The following HMCN1 variants were observed in gnomAD, a reference collection of about 807,000 sequenced individuals.
HMCN1 encodes the protein hemicentin 1, also known as hemicentin-1.
Under a neutral mutation model 625.9 loss-of-function variants are expected in HMCN1, and 321 were observed. The observed-to-expected ratio is 0.51, with a 90% CI of 0.47 to 0.56. The LOEUF (loss-of-function observed/expected upper bound fraction) is 0.56. HMCN1 is among the 20% of genes least tolerant of loss of function. HMCN1 has a pLI of 0.00. For synonymous variants in HMCN1, 2,425 were observed against 2,417.6 expected (o/e 1.00, Z -0.09); for missense variants, 6,588 against 6,887.3 (o/e 0.96, Z 1.54).
chr1:185,837,303 T>A (rs1558006020), intron 1 of HMCN1, among the ~76,000 whole-genome samples: 2 of 152,110 alleles, frequency 1.3e-5, no homozygotes, highest in East Asian at 1.9e-4. Context: ...TCAAAAAAGT[T>A]TTCTTTCTTA....
chr1:186,051,272 A>G (rs936769188), intron 42 of HMCN1, among the ~76,000 whole-genome samples: 21 of 152,056 alleles, frequency 1.4e-4, no homozygotes, highest in African/African-American at 5.1e-4. Context: ...CATATTTAAT[A>G]AGTTGAATCA....
At chr1:186,043,607 A>G (rs1167499218) in intron 40 of HMCN1, among the ~76,000 whole-genome samples, 1 of 152,154 alleles carries the variant, frequency 6.6e-6, no homozygotes, top group African/African-American at 2.4e-5. Flanking sequence ...TCTTTTGTAG[A>G]TTCTACAAAT....
chr1:185,785,513 G>T (rs767728454), intron 1 of HMCN1, among the ~76,000 whole-genome samples: 1 of 152,148 alleles, frequency 6.6e-6, no homozygotes, highest in Non-Finnish European at 1.5e-5. Context: ...GTTTCAAACT[G>T]CTAATTTTCC....
intron 64 of HMCN1, 119 bp downstream of exon 64, chr1:186,091,036 A>T (rs555043500): frequency 4.8e-5 from 57 of 1,190,044 alleles, no homozygotes; most frequent in Non-Finnish European, 6.7e-5. Flanking sequence ...AGCTATCATT[A>T]TATTCACAAA....
chr1:186,021,238 A>G (rs1654699876), intron 35 of HMCN1, among the ~76,000 whole-genome samples: 1 of 152,108 alleles, frequency 6.6e-6, no homozygotes. Context: ...GAAGACTCCT[A>G]GGATTCCAAC....
At chr1:186,150,876 C>T (rs1042420721) in intron 93 of HMCN1, among the ~76,000 whole-genome samples, 6 of 151,606 alleles carry the variant, frequency 4.0e-5, no homozygotes, top group Non-Finnish European at 8.8e-5. Flanking sequence ...AATAAACTCT[C>T]ATTGTCATCA....
In HMCN1 at chr1:186,145,765, G is replaced by A; in HGVS notation, c.14450G>A (p.Trp4817Ter). ...NTDMCPVDGS[W>*]GSWHSWSQCS... ...TTCTTGTTCACAGTGGATGGAAGTTGGGGAAGCTGGCATAGTTGGAGCCAG... is the reference window on the plus strand; with the variant it reads ...TTCTTGTTCACAGTGGATGGAAGTTAGGGAAGCTGGCATAGTTGGAGCCAG... The change falls in exon 93 of 107, where the codon TGG becomes TAG. Residue 4817 changes from tryptophan to a stop codon, truncating the protein, a stop_gained. Coordinates refer to ENST00000271588, the MANE Select transcript of HMCN1 (RefSeq NM_031935.3). LOFTEE classifies it high-confidence loss of function. The A allele has an allele frequency of 6.2e-7, 1 of 1,614,168 alleles. No homozygotes were observed. The highest frequency in any genetic ancestry group is 8.5e-7 in the Non-Finnish European group (1 of 1,179,996).
intron 55 of HMCN1, 94 bp downstream of exon 55, chr1:186,078,314 A>G (rs1658953684): frequency 3.5e-6 from 3 of 849,696 alleles, no homozygotes; most frequent in Admixed American, 2.0e-5. Context: ...CGCTTTTGAG[A>G]CTATAAAGAT....
intron 49 of HMCN1, among the ~76,000 whole-genome samples, chr1:186,066,730 T>C (rs1658142081): frequency 6.6e-6 from 1 of 152,160 alleles, no homozygotes; most frequent in South Asian, 2.1e-4. Context: ...CAATGCTCTT[T>C]CCCAGTTATC....
At chr1:185,825,892 A>T (rs16824541) in intron 1 of HMCN1, among the ~76,000 whole-genome samples, 549 of 152,324 alleles carry the variant, frequency 3.6e-3, no homozygotes, top group African/African-American at 0.012. Flanking sequence ...TTTGGAGGAG[A>T]CGAAAGAAAT....
intron 15 of HMCN1, among the ~76,000 whole-genome samples, chr1:185,974,735 T>C (rs754361489): frequency 9.9e-5 from 15 of 152,202 alleles, no homozygotes; most frequent in Non-Finnish European, 2.1e-4. Context: ...CCTTGGCTGC[T>C]TACCTAGTGC....
intron 77 of HMCN1, among the ~76,000 whole-genome samples, chr1:186,118,304 A>G (rs539574212): frequency 7.0e-4 from 107 of 152,300 alleles, no homozygotes; most frequent in African/African-American, 2.5e-3. Context: ...TATTATTCTA[A>G]GAGAATTTGT....
At chr1:185,871,762 A>C (rs1410027680) in intron 4 of HMCN1, among the ~76,000 whole-genome samples, 3 of 152,176 alleles carry the variant, frequency 2.0e-5, no homozygotes, top group Non-Finnish European at 4.4e-5. Context: ...AAAACTGTAA[A>C]CTTTGCTGGA....
intron 104 of HMCN1, 49 bp downstream of exon 104, chr1:186,178,815 T>A: frequency 2.5e-6 from 3 of 1,208,000 alleles, no homozygotes; most frequent in Non-Finnish European, 3.7e-6. Flanking sequence ...CTCTTACTGA[T>A]CAAAGTATGT....
chr1:186,001,662 A>T lies in HMCN1; in HGVS notation c.4269A>T (p.Pro1423=). The change falls in exon 28 of 107, where the codon CCA becomes CCT. Residue 1423 remains proline (P), a synonymous_variant. Transcript: ENST00000271588. Reference sequence around the variant, plus strand: ...TACTGAAGCTCTTCAGAGCCACTCCAGAGGATGCAGGAAGATATTCCTGCA... The same window carrying T: ...TACTGAAGCTCTTCAGAGCCACTCCTGAGGATGCAGGAAGATATTCCTGCA... ...GKILKLFRAT[P]EDAGRYSCKA... is the part of the protein sequence containing the mutation. 2 of 1,612,772 alleles carry T rather than the reference A, an allele frequency of 1.2e-6. No individual in the cohort carries two copies. The highest frequency in any genetic ancestry group is 1.7e-6 in the Non-Finnish European group (2 of 1,178,978).
At chr1:185,915,177 A>T (rs1666632372) in intron 6 of HMCN1, among the ~76,000 whole-genome samples, 2 of 152,054 alleles carry the variant, frequency 1.3e-5, no homozygotes, top group South Asian at 4.1e-4. Context: ...GTTTCCTCTG[A>T]TGCAGGTAAA....
At chr1:186,008,584 G>A (rs1441437324) in intron 30 of HMCN1, among the ~76,000 whole-genome samples, 4 of 152,046 alleles carry the variant, frequency 2.6e-5, no homozygotes, top group Non-Finnish European at 5.9e-5. Flanking sequence ...ATAAGAGTTT[G>A]TGTTGAGGCC....
intron 41 of HMCN1, among the ~76,000 whole-genome samples, chr1:186,046,656 G>A (rs1418115218): frequency 6.6e-6 from 1 of 152,116 alleles, no homozygotes; most frequent in African/African-American, 2.4e-5. Context: ...TGAGGCTCTG[G>A]TTGCCAGGAT....
chr1:186,010,133 A>G (rs932660039), intron 30 of HMCN1, among the ~76,000 whole-genome samples: 1 of 151,106 alleles, frequency 6.6e-6, no homozygotes, highest in African/African-American at 2.4e-5. Context: ...GGGGTTGGGA[A>G]CTCCTGCCCT....
Sources: gnomAD v4.1 joint callset for allele counts (sites outside exome capture counted in the v4.1 genomes callset) on GRCh38, gnomAD v4.1.1 for gene constraint, MANE v1.5 for transcripts, NCBI Gene and HGNC (gene_info 2026-07-23, HGNC 2026-07-21) for gene names.